The following PTPRZ1 variants were observed in gnomAD, a reference collection of about 807,000 sequenced individuals.
PTPRZ1 encodes the protein protein tyrosine phosphatase receptor type Z1.
Under a neutral mutation model 214.1 loss-of-function variants are expected in PTPRZ1, and 82 were observed. The observed-to-expected ratio is 0.38, with a 90% CI of 0.32 to 0.46. The LOEUF (loss-of-function observed/expected upper bound fraction) is 0.46, where lower values mean the gene tolerates loss of function less well. PTPRZ1 is among the 20% of genes least tolerant of loss of function. The probability of loss-of-function intolerance (pLI) is 1.00; values close to 1 mark genes in which losing one functional copy is unlikely to be tolerated. For synonymous variants in PTPRZ1, 945 were observed against 987.9 expected (o/e 0.96, Z 0.81); for missense variants, 2,603 against 2,748.7 (o/e 0.95, Z 1.19).
At chr7:122,055,334 G>C (rs1792315689) in intron 27 of PTPRZ1, among the ~76,000 whole-genome samples, 1 of 151,928 alleles carries the variant, frequency 6.6e-6, no homozygotes, top group African/African-American at 2.4e-5. Context: ...ATTTACTCCA[G>C]ATTAGTGGTT....
At chr7:122,002,402 AG>A (rs1798358339) in intron 10 of PTPRZ1, among the ~76,000 whole-genome samples, 1 of 152,162 alleles carries the variant, frequency 6.6e-6, no homozygotes, top group Non-Finnish European at 1.5e-5. Context: ...AGAGCCAAGG[AG>A]GCCCAAAGAA....
rs749825330 is a variant in PTPRZ1 at position 122,040,973 on chromosome 7, A to G, written c.5795A>G (p.His1932Arg). 3 of 1,545,740 alleles carry G rather than the reference A, an allele frequency of 1.9e-6. No individual in the cohort carries two copies. Among genetic ancestry groups the G allele is most frequent in the Non-Finnish European group, 2.6e-6 (3 of 1,136,648 alleles). Residue 1932 changes from histidine (H) to arginine (R), a missense_variant, in exon 21 of 30, where the codon CAC becomes CGC. Around this residue, in one of 6 missense-constraint regions of PTPRZ1, gnomAD observed 1,913 missense variants for 1,914.3 expected, o/e 1.00. Coordinates refer to ENST00000393386, the MANE Select transcript of PTPRZ1 (RefSeq NM_002851.3). The part of the protein sequence containing the change: ...KRHAVGPVVV[H>R]CSAGVGRTGT... ...CATGCAGTGGGGCCTGTTGTCGTCC[A>G]CTGCAGGTGAGTCTCAGAGATGTGC... is the stretch of plus-strand genomic sequence containing the variant.
At chr7:121,912,426 T>C (rs1401752776) in intron 1 of PTPRZ1, among the ~76,000 whole-genome samples, 1 of 152,218 alleles carries the variant, frequency 6.6e-6, no homozygotes, top group Non-Finnish European at 1.5e-5. Context: ...GATACTATGA[T>C]GTAGAGGATC....
intron 12 of PTPRZ1, among the ~76,000 whole-genome samples, chr7:122,017,165 C>T (rs1460043649): frequency 6.6e-6 from 1 of 152,022 alleles, no homozygotes; most frequent in African/African-American, 2.4e-5. Context: ...ATCTAGGTAA[C>T]AATAGTTACA....
chr7:122,032,362 T>C (rs1372640638), intron 15 of PTPRZ1, among the ~76,000 whole-genome samples: 1 of 152,208 alleles, frequency 6.6e-6, no homozygotes, highest in Non-Finnish European at 1.5e-5. Context: ...TCATAGAATT[T>C]AATTAACAAC....
intron 14 of PTPRZ1, 130 bp from the exon 15 acceptor site, chr7:122,031,344 C>A: frequency 1.5e-6 from 1 of 651,490 alleles, no homozygotes. Context: ...TGTTGCTTAA[C>A]AATTGAATGC....
intron 23 of PTPRZ1, among the ~76,000 whole-genome samples, chr7:122,050,052 T>C (rs1354612526): frequency 6.6e-6 from 1 of 152,140 alleles, no homozygotes; most frequent in Non-Finnish European, 1.5e-5. Flanking sequence ...TAACATTGTA[T>C]CTCTACCACT....
intron 1 of PTPRZ1, among the ~76,000 whole-genome samples, chr7:121,903,989 C>CACACACACACAT (rs1479643174): frequency 6.6e-6 from 1 of 151,990 alleles, no homozygotes; most frequent in Admixed American, 6.6e-5. Context: ...CACACACACA[C>CACACACACACAT]ACACACACAC....
intron 23 of PTPRZ1, among the ~76,000 whole-genome samples, chr7:122,050,460 G>GGGAGGGGAGGGGAAGGA (rs1792142571): frequency 6.2e-3 from 27 of 4,334 alleles, no homozygotes; most frequent in Non-Finnish European, 9.1e-3. Flanking sequence ...GAGGGAAAAG[G>GGGAGGGGAGGGGAAGGA]AGAGGAGGGG....
At chr7:121,964,301 T>G (rs565015409) in intron 2 of PTPRZ1, among the ~76,000 whole-genome samples, 1 of 152,308 alleles carries the variant, frequency 6.6e-6, no homozygotes, top group Non-Finnish European at 1.5e-5. Context: ...TCCGCAGGGC[T>G]GGGGAGGCCT....
At chr7:121,978,668 TG>T (rs1332243693) in intron 6 of PTPRZ1, among the ~76,000 whole-genome samples, 3 of 152,124 alleles carry the variant, frequency 2.0e-5, no homozygotes, top group African/African-American at 7.2e-5. Flanking sequence ...CAATTCAAGA[TG>T]AGATTTGGGC....
Position 121,957,595 on chromosome 7 carries a change from T to C in PTPRZ1, c.125-10356T>C, listed in dbSNP as rs764745365. 2.6e-5 allele frequency among the ~76,000 whole-genome samples: 4 copies of C among 152,202 alleles called. No homozygotes were observed. The South Asian group carries it at 8.3e-4, about 31-fold the overall frequency. On this transcript the variant is annotated intron_variant, in intron 2 of 29. Coordinates refer to ENST00000393386, the MANE Select transcript of PTPRZ1 (RefSeq NM_002851.3). ...GCAGTGAATGATACTGATTCCAGTT[T>C]TTCTGAGAAAATAGGGAAAGGCGCT... is the stretch of plus-strand genomic sequence containing the variant.
intron 11 of PTPRZ1, among the ~76,000 whole-genome samples, chr7:122,007,292 C>G (rs1798522110): frequency 6.6e-6 from 1 of 152,042 alleles, no homozygotes; most frequent in South Asian, 2.1e-4. Context: ...AACAGCAGCT[C>G]TAATTCTTTG....
At chr7:122,038,107 G>C (rs974198321) in intron 18 of PTPRZ1, among the ~76,000 whole-genome samples, 6 of 152,042 alleles carry the variant, frequency 3.9e-5, no homozygotes, top group African/African-American at 1.4e-4. Flanking sequence ...TCACTCTCAC[G>C]AGAACAGCGT....
At chr7:121,906,197 T>G (rs1007076241) in intron 1 of PTPRZ1, among the ~76,000 whole-genome samples, 3 of 152,160 alleles carry the variant, frequency 2.0e-5, no homozygotes, top group South Asian at 2.1e-4. Flanking sequence ...GAAGCAATTA[T>G]TCCAAAAGCA....
In PTPRZ1 at chr7:122,044,491, A is replaced by G. The variant is rs1799822745; in HGVS notation, c.6007A>G (p.Ser2003Gly). The change falls in exon 23 of 30, where the codon AGT becomes GGT. Residue 2003 changes from serine to glycine, a missense_variant. Ser to Gly is a moderately conservative substitution (Grantham distance 56). Around this residue, in one of 6 missense-constraint regions of PTPRZ1, gnomAD observed 1,913 missense variants for 1,914.3 expected, o/e 1.00. Coordinates refer to ENST00000393386, the MANE Select transcript of PTPRZ1 (RefSeq NM_002851.3). ...ILSKETEVLDSHIHAYVNALL... is the reference protein window; with the variant it reads ...ILSKETEVLDGHIHAYVNALL... ...TAGTAAAGAAACTGAGGTGCTGGACAGTCATATTCATGCCTATGTTAATGC... is the reference window on the plus strand; with the variant it reads ...TAGTAAAGAAACTGAGGTGCTGGACGGTCATATTCATGCCTATGTTAATGC... 6.2e-7 allele frequency: 1 copy of G among 1,613,858 alleles called. No homozygotes were observed. The highest frequency in any genetic ancestry group is 8.5e-7 in the Non-Finnish European group (1 of 1,179,848).
At chr7:122,003,486 C>T (rs529078756) in intron 10 of PTPRZ1, among the ~76,000 whole-genome samples, 7 of 152,032 alleles carry the variant, frequency 4.6e-5, no homozygotes, top group Non-Finnish European at 8.8e-5. Flanking sequence ...AAAAAATAAA[C>T]GCAAGAAACT....
intron 17 of PTPRZ1, 149 bp downstream of exon 17, chr7:122,034,527 A>G (rs1247184575): frequency 1.6e-6 from 1 of 634,714 alleles, no homozygotes; most frequent in African/African-American, 1.8e-5. Flanking sequence ...GTTAGATAAT[A>G]TGTAGCATTA....
At chr7:121,983,636 C>A in intron 6 of PTPRZ1, 29 bp from the exon 7 acceptor site, 1 of 1,575,010 alleles carries the variant, frequency 6.3e-7, no homozygotes, top group Non-Finnish European at 8.6e-7. Context: ...GTTGAGATTC[C>A]AGCTGAGATG....
Sources: allele counts gnomAD v4.1 joint callset (sites outside exome capture counted in the v4.1 genomes callset), GRCh38; gene constraint gnomAD v4.1.1; regional missense constraint gnomAD v4.1.1; transcripts MANE v1.5; gene names NCBI Gene and HGNC (gene_info 2026-07-23, HGNC 2026-07-21).